Variants in KCNN2 observed in about 807,000 individuals in gnomAD.
The protein encoded by KCNN2 is potassium calcium-activated channel subfamily N member 2, also known as small conductance calcium-activated potassium channel protein 2.
In KCNN2, 24 loss-of-function variants were observed where a neutral mutation model predicts 55.5. The ratio of observed to expected loss-of-function variants is 0.43; its 90% CI spans 0.31 to 0.61. The LOEUF is 0.61. KCNN2 is among the 20% of genes least tolerant of loss of function. KCNN2 has a pLI of 0.08. For missense variants in KCNN2, 754 were observed against 853.6 expected (o/e 0.88, Z 1.45); for synonymous variants, 431 against 336.1 (o/e 1.28, Z -3.09).
At chr5:114,267,852 C>T (rs1224956037) in intron 2 of KCNN2, among the ~76,000 whole-genome samples, 2 of 152,142 alleles carry the variant, frequency 1.3e-5, no homozygotes, top group Admixed American at 6.6e-5. Flanking sequence ...TTTCTAGATG[C>T]AGAAGCTTTG....
chr5:114,365,287 C>T (rs1757567682), intron 2 of KCNN2, among the ~76,000 whole-genome samples: 2 of 152,116 alleles, frequency 1.3e-5, no homozygotes, highest in African/African-American at 4.8e-5. Context: ...TACAAAACTG[C>T]ACTGACAAAA....
At chr5:114,346,817 C>T (rs557846975) in intron 2 of KCNN2, among the ~76,000 whole-genome samples, 9 of 150,594 alleles carry the variant, frequency 6.0e-5, no homozygotes, top group Non-Finnish European at 1.3e-4. Context: ...ATAGTTCACT[C>T]CAGGGGCTGG....
chr5:114,237,256 T>TCACACACACACACACA (rs10643853), intron 2 of KCNN2, among the ~76,000 whole-genome samples: 2 of 138,594 alleles, frequency 1.4e-5, no homozygotes, highest in African/African-American at 2.7e-5. Flanking sequence ...TTGTCAAAAT[T>TCACACACACACACACA]CACACACACA....
At chr5:114,311,545 A>G (rs575059006) in intron 2 of KCNN2, among the ~76,000 whole-genome samples, 23 of 152,222 alleles carry the variant, frequency 1.5e-4, no homozygotes, top group African/African-American at 5.1e-4. Context: ...CCTCTCTCTC[A>G]GAAAATTATT....
At chr5:114,232,925 G>GTTTTTTTGTTTTTTTTTTTT (rs1754391521) in intron 2 of KCNN2, among the ~76,000 whole-genome samples, 1 of 76,276 alleles carries the variant, frequency 1.3e-5, no homozygotes, top group Non-Finnish European at 2.4e-5. Flanking sequence ...ATTGTTTCTT[G>GTTTTTTTGTTTTTTTTTTTT]TTTTTTTTTT....
intron 1 of KCNN2, among the ~76,000 whole-genome samples, chr5:114,179,539 G>T (rs545134470): frequency 3.5e-4 from 53 of 152,324 alleles, no homozygotes; most frequent in Non-Finnish European, 6.8e-4. Context: ...CAGTCAGTAG[G>T]TAAAGAGCCC....
intron 1 of KCNN2, among the ~76,000 whole-genome samples, chr5:114,087,992 T>C (rs1751051506): frequency 6.6e-6 from 1 of 152,176 alleles, no homozygotes; most frequent in Non-Finnish European, 1.5e-5. Context: ...TTTTTATAGT[T>C]TGCAGATTCT....
At chr5:114,103,184 A>G (rs1751407869) in intron 1 of KCNN2, among the ~76,000 whole-genome samples, 1 of 151,898 alleles carries the variant, frequency 6.6e-6, no homozygotes, top group South Asian at 2.1e-4. Context: ...TAGGTATTTT[A>G]CTTTCTTTGT....
chr5:114,432,222 C>G (rs1374069498), intron 3 of KCNN2, among the ~76,000 whole-genome samples: 3 of 152,184 alleles, frequency 2.0e-5, no homozygotes, highest in Non-Finnish European at 4.4e-5. Context: ...GCAGTTCTAT[C>G]AGCTTTTGCT....
At chr5:114,377,613 C>T (rs193228363) in intron 2 of KCNN2, among the ~76,000 whole-genome samples, 120 of 152,240 alleles carry the variant, frequency 7.9e-4, no homozygotes, top group East Asian at 3.9e-3. Flanking sequence ...GCCCGAGGGA[C>T]GCCTTCTATC....
At chr5:114,438,026 C>A (rs1010307717) in intron 3 of KCNN2, among the ~76,000 whole-genome samples, 1 of 152,106 alleles carries the variant, frequency 6.6e-6, no homozygotes, top group Admixed American at 6.5e-5. Flanking sequence ...TTATCTACAC[C>A]AATCTGTTAA....
At chr5:114,231,686 A>G (rs528258343) in intron 2 of KCNN2, among the ~76,000 whole-genome samples, 1 of 151,344 alleles carries the variant, frequency 6.6e-6, no homozygotes, top group South Asian at 2.1e-4. Context: ...TTTGCCAGTG[A>G]CAGTATGAAA....
At chr5:114,438,592 C>G (rs1294225534) in intron 3 of KCNN2, among the ~76,000 whole-genome samples, 2 of 152,104 alleles carry the variant, frequency 1.3e-5, no homozygotes, top group Admixed American at 1.3e-4. Flanking sequence ...GCCATGCCAA[C>G]AACAGCAACA....
At chr5:114,272,353 C>CAT (rs1561549011) in intron 2 of KCNN2, among the ~76,000 whole-genome samples, 4 of 46,748 alleles carry the variant, frequency 8.6e-5, no homozygotes, top group Non-Finnish European at 1.1e-4. Context: ...TATGTATGTA[C>CAT]ATACCATATA....
chr5:114,254,160 A>C lies in KCNN2; in HGVS notation c.-185+32595A>C, dbSNP rs367752220. 4.6e-5 allele frequency among the ~76,000 whole-genome samples: 7 copies of C among 152,336 alleles called. No individual in the cohort carries two copies. The South Asian group carries it at 1.2e-3, about 27-fold the overall frequency. ...AAATAACCCTTTGAAATATATTGCA[A>C]TGTTTTGCTGTAGACTATTTAGAAG... On this transcript the variant is annotated intron_variant, in intron 2 of 10. Transcript: ENST00000512097.
chr5:114,124,351 C>A (rs2112601623), intron 1 of KCNN2, among the ~76,000 whole-genome samples: 1 of 152,224 alleles, frequency 6.6e-6, no homozygotes, highest in East Asian at 1.9e-4. Flanking sequence ...AATCACAGAA[C>A]AAATGCCATG....
intron 3 of KCNN2, among the ~76,000 whole-genome samples, chr5:114,458,090 T>A (rs777553920): frequency 1.3e-5 from 2 of 151,992 alleles, no homozygotes; most frequent in African/African-American, 2.4e-5. Flanking sequence ...TTACACCTTT[T>A]AAAAAAAATG....
intron 2 of KCNN2, among the ~76,000 whole-genome samples, chr5:114,290,199 T>A (rs1407221371): frequency 1.3e-5 from 2 of 152,148 alleles, no homozygotes; most frequent in East Asian, 3.8e-4. Flanking sequence ...CTTTTTTATA[T>A]GTTTGGTGGA....
intron 1 of KCNN2, among the ~76,000 whole-genome samples, chr5:114,087,299 T>G (rs958286159): frequency 3.9e-5 from 6 of 152,168 alleles, no homozygotes; most frequent in African/African-American, 1.2e-4. Flanking sequence ...CACTTGTCAA[T>G]TTTTGTTTTT....
Sources: allele counts gnomAD v4.1 joint callset (sites outside exome capture counted in the v4.1 genomes callset), GRCh38; gene constraint gnomAD v4.1.1; transcripts MANE v1.5; gene names NCBI Gene and HGNC (gene_info 2026-07-23, HGNC 2026-07-21).